The following EVC variants were observed in gnomAD, a reference collection of about 807,000 sequenced individuals.
The protein encoded by EVC is EvC ciliary complex subunit 1.
A neutral mutation model predicts 118.9 loss-of-function variants in EVC; 116 were observed. That is an observed-to-expected ratio of 0.98 (90% CI 0.84 to 1.14). The LOEUF is 1.14. EVC is among the 50% of genes most tolerant of loss of function. EVC has a pLI of 0.00. For missense variants in EVC, 1,401 were observed against 1,246.4 expected (o/e 1.12, Z -1.87); for synonymous variants, 619 against 534.7 (o/e 1.16, Z -2.18).
chr4:5,720,093 G>A (rs1010942957), intron 2 of EVC, among the ~76,000 whole-genome samples: 2 of 152,104 alleles, frequency 1.3e-5, no homozygotes. Flanking sequence ...ACAGAACATC[G>A]CTTTCTGGGT....
At position 5,777,836 on chromosome 4, in the gene EVC, T is replaced by TTG. The variant is rs1553884731; in HGVS notation, c.1564-5715_1564-5714insGT. The stretch of plus-strand genomic sequence containing the variant: ...ATTAACATTGATTTGAATGAAATTT[T>TTG]TTGTTGTTGTTGTTATTATACTTTA... On this transcript the variant is annotated intron_variant, in intron 11 of 20. Transcript: ENST00000264956. Among the ~76,000 whole-genome samples the TTG allele has an allele frequency of 3.0e-3, 456 of 151,482 alleles. 3 individuals are homozygous for TTG. The highest frequency in any genetic ancestry group is 4.3e-3 in the Non-Finnish European group (292 of 67,850).
chr4:5,753,404 C>T (rs931861826), intron 9 of EVC, among the ~76,000 whole-genome samples: 13 of 152,294 alleles, frequency 8.5e-5, no homozygotes, highest in South Asian at 4.1e-4. Flanking sequence ...CAAAGTGGTC[C>T]CTGTCGCCCA....
At chr4:5,823,586 T>TA in the EVC span, among the ~76,000 whole-genome samples, 1 of 152,212 alleles carries the variant, frequency 6.6e-6, no homozygotes, top group East Asian at 1.9e-4. Context: ...GTGTCAGCCT[T>TA]ACAGTAATGA....
At chr4:5,751,349 C>T (rs984124727) in intron 8 of EVC, among the ~76,000 whole-genome samples, 1 of 152,180 alleles carries the variant, frequency 6.6e-6, no homozygotes, top group Non-Finnish European at 1.5e-5. Flanking sequence ...TCCATCCTCC[C>T]TCCAATATAA....
chr4:5,819,808 C>A, the EVC span, among the ~76,000 whole-genome samples: 1 of 150,714 alleles, frequency 6.6e-6, no homozygotes, highest in Non-Finnish European at 1.5e-5. Context: ...CCTTACCATC[C>A]ATTCTTGGTC....
intron 2 of EVC, among the ~76,000 whole-genome samples, chr4:5,728,091 T>A (rs1220393631): frequency 1.3e-5 from 2 of 152,090 alleles, no homozygotes; most frequent in African/African-American, 4.8e-5. Flanking sequence ...TTAAAGTGGT[T>A]TTTTCCAGTT....
intron 12 of EVC, among the ~76,000 whole-genome samples, chr4:5,790,560 T>C (rs2152316035): frequency 6.6e-6 from 1 of 152,286 alleles, no homozygotes; most frequent in South Asian, 2.1e-4. Flanking sequence ...TAGGTGCATC[T>C]GGTGATGTGA....
chr4:5,761,850 T>C (rs550991860), intron 11 of EVC, among the ~76,000 whole-genome samples: 1 of 151,944 alleles, frequency 6.6e-6, no homozygotes, highest in Non-Finnish European at 1.5e-5. Flanking sequence ...AAGGTTTCTC[T>C]GGGGTCCCAT....
chr4:5,753,353 G>A (rs1278726268), intron 9 of EVC, among the ~76,000 whole-genome samples: 1 of 152,234 alleles, frequency 6.6e-6, no homozygotes, highest in Non-Finnish European at 1.5e-5. Flanking sequence ...AGGAACTGCA[G>A]AGGGACAGAG....
intron 2 of EVC, among the ~76,000 whole-genome samples, chr4:5,724,767 C>T (rs1224319350): frequency 2.0e-5 from 3 of 151,718 alleles, no homozygotes; most frequent in African/African-American, 7.3e-5. Context: ...GGTACACATG[C>T]AGGATGTGCA....
At chr4:5,795,883 C>T (rs980936543) in intron 13 of EVC, among the ~76,000 whole-genome samples, 2 of 152,076 alleles carry the variant, frequency 1.3e-5, no homozygotes, top group Admixed American at 6.5e-5. Context: ...AGATGTTTTC[C>T]CTTTAGATCT....
intron 5 of EVC, among the ~76,000 whole-genome samples, chr4:5,740,828 G>A (rs577015330): frequency 6.6e-5 from 10 of 152,118 alleles, no homozygotes; most frequent in African/African-American, 1.9e-4. Context: ...AAGTAAACAC[G>A]TAAAAAGGTG....
chr4:5,777,919 T>A (rs551358540), intron 11 of EVC, among the ~76,000 whole-genome samples: 6 of 152,102 alleles, frequency 3.9e-5, no homozygotes, highest in Non-Finnish European at 7.3e-5. Context: ...ACATGTGACA[T>A]GCTGGTGCGC....
the EVC span, chr4:5,828,463 G>T: frequency 3.1e-6 from 5 of 1,606,454 alleles, no homozygotes; most frequent in Non-Finnish European, 4.3e-6. Context: ...CCACGGGTGG[G>T]CCCGCTCCCC....
intron 11 of EVC, among the ~76,000 whole-genome samples, chr4:5,770,261 C>G (rs1319300717): frequency 2.0e-5 from 3 of 152,138 alleles, no homozygotes; most frequent in Non-Finnish European, 4.4e-5. Flanking sequence ...CCACAGCTGC[C>G]CTGAGCCTCC....
chr4:5,776,065 A>G (rs965377354), intron 11 of EVC, among the ~76,000 whole-genome samples: 2 of 151,968 alleles, frequency 1.3e-5, no homozygotes, highest in Non-Finnish European at 1.5e-5. Context: ...TTCCATTCCT[A>G]ATTTGCTAAG....
At chr4:5,769,421 A>G (rs1478611107) in intron 11 of EVC, among the ~76,000 whole-genome samples, 3 of 152,282 alleles carry the variant, frequency 2.0e-5, no homozygotes, top group South Asian at 4.1e-4. Flanking sequence ...CAGCTAAACC[A>G]TATCATAACC....
At chr4:5,788,371 C>G (rs868172220) in intron 12 of EVC, among the ~76,000 whole-genome samples, 3 of 152,154 alleles carry the variant, frequency 2.0e-5, no homozygotes, top group Non-Finnish European at 2.9e-5. Context: ...ACATGGCTCC[C>G]CCTCTCAGGT....
chr4:5,753,179 T>A, intron 9 of EVC, 127 bp downstream of exon 9: 1 of 928,606 alleles, frequency 1.1e-6, no homozygotes, highest in East Asian at 2.6e-5. Context: ...GCCTTTCTGC[T>A]TCTGCCCTAG....
Sources: allele counts gnomAD v4.1 joint callset (sites outside exome capture counted in the v4.1 genomes callset), GRCh38; gene constraint gnomAD v4.1.1; transcripts MANE v1.5; gene names NCBI Gene and HGNC (gene_info 2026-07-23, HGNC 2026-07-21).